SPTLC1: variants seen among roughly 807,000 people sequenced by gnomAD.
SPTLC1 encodes the protein serine palmitoyltransferase 1.
SPTLC1 carries 55 observed loss-of-function variants against 68.9 expected under a neutral mutation model. The ratio of observed to expected loss-of-function variants is 0.80; its 90% CI spans 0.64 to 1.00. The LOEUF (loss-of-function observed/expected upper bound fraction) is 1.00. SPTLC1 is among the 50% of genes least tolerant of loss of function. SPTLC1 has a pLI of 0.00. For missense variants in SPTLC1, 449 were observed against 573.1 expected (o/e 0.78, Z 2.21); for synonymous variants, 197 against 201.6 (o/e 0.98, Z 0.19).
chr9:92,084,103 CT>C (rs1835014738), intron 3 of SPTLC1, among the ~76,000 whole-genome samples: 2 of 151,724 alleles, frequency 1.3e-5, no homozygotes, highest in Middle Eastern at 3.4e-3. Flanking sequence ...TATCCTGAGA[CT>C]TTGCTGAAGT....
Position 92,032,554 on chromosome 9 carries a change from G to T in SPTLC1, c.1333C>A (p.Arg445=). 6.2e-7 allele frequency: 1 copy of T among 1,614,100 alleles called. No individual in the cohort carries two copies. The highest frequency in any genetic ancestry group is 8.5e-7 in the Non-Finnish European group (1 of 1,180,010). ...GTTTGTTCCACCGTGACCACAACCCGAATGCTGAGAACAGTAAAGGACACA... is the reference window on the plus strand; with the variant it reads ...GTTTGTTCCACCGTGACCACAACCCTAATGCTGAGAACAGTAAAGGACACA... ...EEKCLPPPSI[R]VVVTVEQTEE... is the part of the protein sequence containing the mutation. Residue 445 remains arginine, a synonymous_variant, in exon 15 of 15, where the codon CGG becomes AGG. Transcript: ENST00000262554.
chr9:92,091,978 C>T (rs924752977), intron 3 of SPTLC1, among the ~76,000 whole-genome samples: 1 of 152,172 alleles, frequency 6.6e-6, no homozygotes, highest in South Asian at 2.1e-4. Context: ...AGCCCACATA[C>T]ATTTCACACC....
intron 1 of SPTLC1, chr9:92,114,791 A>G (rs558240376): frequency 1.5e-4 from 24 of 157,560 alleles, no homozygotes; most frequent in African/African-American, 5.0e-4. Context: ...TTGTATCTTT[A>G]TAAGACAGAA....
chr9:92,070,704 C>T (rs963934746), intron 5 of SPTLC1, among the ~76,000 whole-genome samples: 16 of 152,162 alleles, frequency 1.1e-4, no homozygotes, highest in Non-Finnish European at 5.9e-5. Flanking sequence ...GTCCTACCTT[C>T]CTCAAGGGTT....
Position 92,105,292 on chromosome 9 carries a change from G to C in SPTLC1, c.260+3448C>G, listed in dbSNP as rs555703737. The C allele has an allele frequency of 2.0e-5, 31 of 1,534,218 alleles. No homozygotes were observed. In the African/African-American group the frequency reaches 4.0e-4, roughly 20 times the overall value. ...CATGTCTATCTCCTGAGGCACTGTT[G>C]GTGGGTCAGGCTTCCCAAAGAGAAG... is the stretch of plus-strand genomic sequence containing the variant. On this transcript the variant is annotated intron_variant, in intron 3 of 14. Transcript: ENST00000262554.
intron 5 of SPTLC1, chr9:92,079,316 T>C: frequency 8.6e-7 from 1 of 1,164,450 alleles, no homozygotes; most frequent in Non-Finnish European, 1.1e-6. Flanking sequence ...CCTCAGGTGA[T>C]CTGCCTGCCT....
intron 12 of SPTLC1, among the ~76,000 whole-genome samples, chr9:92,043,024 C>T (rs6479400): frequency 0.53 from 80,867 of 151,980 alleles, 24,668 homozygotes; most frequent in African/African-American, 0.85. Flanking sequence ...GTTTCTTAGT[C>T]CCTCTTCAGA....
chr9:92,092,275 A>C (rs1351939335), intron 3 of SPTLC1, among the ~76,000 whole-genome samples: 1 of 152,384 alleles, frequency 6.6e-6, no homozygotes, highest in African/African-American at 2.4e-5. Context: ...AGAGCAGCCA[A>C]ATCATTCAGA....
intron 9 of SPTLC1, 22 bp from the exon 10 acceptor site, chr9:92,047,730 C>T: frequency 6.5e-7 from 1 of 1,548,760 alleles, no homozygotes; most frequent in Non-Finnish European, 8.9e-7. Flanking sequence ...GGAGGAGTGA[C>T]AGTTATTCCA....
chr9:92,106,116 C>T (rs538459611), intron 3 of SPTLC1, among the ~76,000 whole-genome samples: 41 of 151,944 alleles, frequency 2.7e-4, no homozygotes, highest in African/African-American at 9.2e-4. Flanking sequence ...CGCCTCTGCC[C>T]GGCCCCCTCA....
At position 92,049,966 on chromosome 9, in the gene SPTLC1, T is replaced by C. The variant is rs1833652356; in HGVS notation, c.882A>G (p.Gly294=). 2 of 1,604,334 alleles carry C rather than the reference T, an allele frequency of 1.2e-6. No homozygotes were observed. Among genetic ancestry groups the C allele is most frequent in the Admixed American group, 1.7e-5 (1 of 60,010 alleles). ...EHGRGVTEHY[G]INIDDIDLIS... ...TTAAAAAAGGGGAACTTACATTGAT[T>C]CCATAGTGTTCAGTGACTCCTCGGC... is the stretch of plus-strand genomic sequence containing the variant. Residue 294 remains glycine, a synonymous_variant, in exon 9 of 15, where the codon GGA becomes GGG. Transcript: ENST00000262554.
At chr9:92,076,092 C>T (rs1202065216) in intron 5 of SPTLC1, among the ~76,000 whole-genome samples, 1 of 152,180 alleles carries the variant, frequency 6.6e-6, no homozygotes, top group African/African-American at 2.4e-5. Context: ...GAATTAATAG[C>T]ACTAACTCAT....
chr9:92,046,262 A>C (rs1833511938), intron 11 of SPTLC1: 1 of 587,002 alleles, frequency 1.7e-6, no homozygotes, highest in Admixed American at 3.0e-5. Context: ...TCAGTATCCC[A>C]CTTTCAACAA....
intron 8 of SPTLC1, among the ~76,000 whole-genome samples, chr9:92,052,586 C>T (rs1164553847): frequency 6.6e-6 from 1 of 151,186 alleles, no homozygotes; most frequent in Admixed American, 6.6e-5. Flanking sequence ...CTGGAGTGCA[C>T]TGGCGTGATC....
At chr9:92,090,935 G>A (rs991422673) in intron 3 of SPTLC1, among the ~76,000 whole-genome samples, 1 of 152,114 alleles carries the variant, frequency 6.6e-6, no homozygotes, top group Non-Finnish European at 1.5e-5. Context: ...ACACAGGATG[G>A]TAACCTGGGT....
Position 92,068,044 on chromosome 9 carries a change from G to C in SPTLC1, c.482C>G (p.Ala161Gly). The C allele has an allele frequency of 6.2e-7, 1 of 1,613,980 alleles. No individual in the cohort carries two copies. Among genetic ancestry groups the C allele is most frequent in the South Asian group, 1.1e-5 (1 of 91,078 alleles). Residue 161 changes from alanine to glycine, a missense_variant, in exon 6 of 15, where the codon GCC becomes GGC. Physicochemically the swap from Ala to Gly is moderately conservative, Grantham distance 60 (BLOSUM62 0). Coordinates refer to ENST00000262554, the MANE Select transcript of SPTLC1 (RefSeq NM_006415.4). ...GGCAAATCCATATGAGTATATAATG[G>C]CTTCTTCTGTCTTCATAAATTTTGC... ...RLAKFMKTEE[A>G]IIYSYGFATI...
intron 12 of SPTLC1, among the ~76,000 whole-genome samples, chr9:92,045,549 A>C (rs1033102108): frequency 7.0e-6 from 1 of 143,144 alleles, no homozygotes; most frequent in Middle Eastern, 3.6e-3. Context: ...AAAAAAAAAA[A>C]AAACACTGAT....
intron 3 of SPTLC1, among the ~76,000 whole-genome samples, chr9:92,102,526 T>G (rs1835792833): frequency 6.6e-6 from 1 of 152,194 alleles, no homozygotes; most frequent in South Asian, 2.1e-4. Flanking sequence ...AGTACAAATT[T>G]TGTGCACTGA....
chr9:92,081,762 C>G (rs1304770389), intron 3 of SPTLC1, among the ~76,000 whole-genome samples: 1 of 152,134 alleles, frequency 6.6e-6, no homozygotes, highest in Non-Finnish European at 1.5e-5. Context: ...ATATCAGAAC[C>G]ATGGCACAGG....
Sources: gnomAD v4.1 joint callset for allele counts (sites outside exome capture counted in the v4.1 genomes callset) on GRCh38, gnomAD v4.1.1 for gene constraint, MANE v1.5 for transcripts, NCBI Gene and HGNC (gene_info 2026-07-23, HGNC 2026-07-21) for gene names.